The following PRP4K variants were observed in gnomAD, a reference collection of about 807,000 sequenced individuals.
PRP4K encodes serine/threonine-protein kinase PRP4 homolog.
At chr6:4,043,566 C>CA in the PRP4K span, among the ~76,000 whole-genome samples, 1 of 152,242 alleles carries the variant, frequency 6.6e-6, no homozygotes, top group South Asian at 2.1e-4. Context: ...AATGGTGCCT[C>CA]ATCTGATCAG....
At chr6:4,031,992 A>G in the PRP4K span, 1 of 1,614,118 alleles carries the variant, frequency 6.2e-7, no homozygotes, top group Non-Finnish European at 8.5e-7. Context: ...AAATGGAAAT[A>G]GGTCTAGTAC....
chr6:4,058,861 G>C, the PRP4K span: 2 of 1,412,050 alleles, frequency 1.4e-6, no homozygotes, highest in African/African-American at 1.4e-5. Context: ...ATTGTTAACT[G>C]AGTACTAAAT....
chr6:4,062,555 A>G, the PRP4K span: 1 of 152,628 alleles, frequency 6.6e-6, no homozygotes, highest in African/African-American at 2.4e-5. This position sits in a 1 kb window ranked among gnomAD's most constrained non-coding sequence, Gnocchi z 4.2. Flanking sequence ...TTATTCACCC[A>G]GGCACCTAAT....
chr6:4,023,580 T>C, the PRP4K span, among the ~76,000 whole-genome samples: 3 of 152,252 alleles, frequency 2.0e-5, no homozygotes, highest in Non-Finnish European at 4.4e-5. Flanking sequence ...GATACATTTT[T>C]TGATGTGACA....
the PRP4K span, among the ~76,000 whole-genome samples, chr6:4,023,442 G>C: frequency 6.6e-6 from 1 of 152,192 alleles, no homozygotes; most frequent in Non-Finnish European, 1.5e-5. Flanking sequence ...TTTAAACTCA[G>C]GCAGTCTGGT....
chr6:4,033,200 GTT>G, the PRP4K span, among the ~76,000 whole-genome samples: 1 of 152,116 alleles, frequency 6.6e-6, no homozygotes, highest in Non-Finnish European at 1.5e-5. Context: ...ATTTGCATGA[GTT>G]TTAAATTTTA....
At chr6:4,042,108 T>C in the PRP4K span, among the ~76,000 whole-genome samples, 1 of 152,234 alleles carries the variant, frequency 6.6e-6, no homozygotes. Flanking sequence ...CAGGCGGTTC[T>C]GACATCCAGA....
chr6:4,060,043 G>A, the PRP4K span, among the ~76,000 whole-genome samples: 6 of 152,222 alleles, frequency 3.9e-5, no homozygotes, highest in Non-Finnish European at 7.3e-5. This position sits in a 1 kb window ranked among gnomAD's most constrained non-coding sequence, Gnocchi z 4.7. Flanking sequence ...ATGAATAGAT[G>A]ATGATGATAC....
chr6:4,032,697 A>T, the PRP4K span: 1 of 1,599,150 alleles, frequency 6.3e-7, no homozygotes, highest in Non-Finnish European at 8.5e-7. Flanking sequence ...AAGAGCCAAG[A>T]GCCGATCCTT....
the PRP4K span, chr6:4,037,480 G>A: frequency 6.2e-7 from 1 of 1,614,046 alleles, no homozygotes; most frequent in Admixed American, 1.7e-5. Flanking sequence ...CCAACCCGAA[G>A]AAGAAGTAGA....
the PRP4K span, among the ~76,000 whole-genome samples, chr6:4,050,044 T>C: frequency 1.9e-3 from 2 of 1,038 alleles, 1 homozygote; most frequent in East Asian, 9.8e-3. Context: ...TTTTTTTTTT[T>C]GAGACGGAGT....
At chr6:4,033,390 T>C in the PRP4K span, among the ~76,000 whole-genome samples, 2 of 152,158 alleles carry the variant, frequency 1.3e-5, no homozygotes, top group African/African-American at 4.8e-5. Context: ...TTAGTTCTTA[T>C]AAATCCTCAT....
chr6:4,041,690 T>A, the PRP4K span, among the ~76,000 whole-genome samples: 1 of 152,214 alleles, frequency 6.6e-6, no homozygotes, highest in Non-Finnish European at 1.5e-5. Flanking sequence ...TTTCTTGTGA[T>A]TGTTGGCTAG....
the PRP4K span, among the ~76,000 whole-genome samples, chr6:4,026,792 T>C: frequency 2.6e-5 from 4 of 152,008 alleles, no homozygotes; most frequent in South Asian, 8.3e-4. Context: ...TGGAGAAAAA[T>C]GTTAAGCACA....
At chr6:4,054,607 A>G in the PRP4K span, among the ~76,000 whole-genome samples, 1 of 152,144 alleles carries the variant, frequency 6.6e-6, no homozygotes, top group African/African-American at 2.4e-5. Context: ...CCCTGGTTCA[A>G]GCATTTCTCC....
chr6:4,034,245 T>C, the PRP4K span, among the ~76,000 whole-genome samples: 21 of 152,204 alleles, frequency 1.4e-4, no homozygotes, highest in African/African-American at 3.9e-4. Flanking sequence ...ACAAAACATA[T>C]AGATTGTTTT....
the PRP4K span, among the ~76,000 whole-genome samples, chr6:4,045,210 C>A: frequency 6.6e-6 from 1 of 152,158 alleles, no homozygotes; most frequent in Admixed American, 6.5e-5. Context: ...AACTTTGGCA[C>A]TGAAATTTGA....
At chr6:4,028,750 A>G in the PRP4K span, among the ~76,000 whole-genome samples, 1 of 152,174 alleles carries the variant, frequency 6.6e-6, no homozygotes. Context: ...TTCTTTGAGT[A>G]TGGTACCCTG....
the PRP4K span, among the ~76,000 whole-genome samples, chr6:4,035,250 T>C: frequency 2.0e-5 from 3 of 147,330 alleles, no homozygotes; most frequent in Non-Finnish European, 4.5e-5. Flanking sequence ...CCCGAGTAGC[T>C]GGGACTACAG....
Sources: gnomAD v4.1 joint callset for allele counts (sites outside exome capture counted in the v4.1 genomes callset) on GRCh38, gnomAD v4.1.1 for gene constraint, Gnocchi (gnomAD v3.1) non-coding constraint, MANE v1.5 for transcripts, NCBI Gene and HGNC (gene_info 2026-07-23, HGNC 2026-07-21) for gene names.